CTNNA3: variants seen among roughly 807,000 people sequenced by gnomAD.
CTNNA3 encodes the protein catenin alpha 3, also known as catenin alpha-3.
Under a neutral mutation model 95.7 loss-of-function variants are expected in CTNNA3, and 76 were observed. The observed-to-expected ratio is 0.79, with a 90% CI of 0.66 to 0.96. The LOEUF (loss-of-function observed/expected upper bound fraction) is 0.96. Among genes scored for constraint, CTNNA3 ranks in the 40% least tolerant of loss-of-function variants. The probability of loss-of-function intolerance (pLI) is 0.00; values close to 1 mark genes in which losing one functional copy is unlikely to be tolerated. For synonymous variants in CTNNA3, 431 were observed against 374.4 expected (o/e 1.15, Z -1.74); for missense variants, 1,191 against 1,089.8 (o/e 1.09, Z -1.31).
chr10:66,692,865 C>T (rs951397976), intron 9 of CTNNA3, among the ~76,000 whole-genome samples: 2 of 152,014 alleles, frequency 1.3e-5, no homozygotes, highest in Non-Finnish European at 1.5e-5. Context: ...CCAAACTAAG[C>T]TTCATAAGTG....
intron 13 of CTNNA3, among the ~76,000 whole-genome samples, chr10:66,145,953 A>C (rs1023884802): frequency 3.9e-5 from 6 of 152,052 alleles, no homozygotes; most frequent in Non-Finnish European, 8.8e-5. Context: ...TCCCCGGTTC[A>C]AGCGATTCTC....
intron 7 of CTNNA3, among the ~76,000 whole-genome samples, chr10:67,095,510 T>G (rs768773512): frequency 6.6e-6 from 1 of 151,770 alleles, no homozygotes; most frequent in Non-Finnish European, 1.5e-5. Context: ...GGACTTGCAC[T>G]CTGCATACCA....
chr10:66,836,505 A>G (rs1425695577), intron 7 of CTNNA3, among the ~76,000 whole-genome samples: 1 of 152,152 alleles, frequency 6.6e-6, no homozygotes, highest in Admixed American at 6.6e-5. Context: ...TTTCGGCAGC[A>G]GACTGTCCAC....
intron 7 of CTNNA3, among the ~76,000 whole-genome samples, chr10:67,004,636 G>A (rs891829136): frequency 6.6e-6 from 1 of 152,106 alleles, no homozygotes; most frequent in Non-Finnish European, 1.5e-5. Context: ...AATAAGTCAA[G>A]ATAACTGATG....
intron 15 of CTNNA3, among the ~76,000 whole-genome samples, chr10:66,028,806 G>A (rs10822695): frequency 0.81 from 123,766 of 152,042 alleles, 50,519 homozygotes; most frequent in South Asian, 0.9. Context: ...AGGAATAGAA[G>A]TTAAACTAAA....
intron 12 of CTNNA3, among the ~76,000 whole-genome samples, chr10:66,341,841 C>T (rs75373784): frequency 0.047 from 7,083 of 151,602 alleles, 262 homozygotes; most frequent in Non-Finnish European, 0.062. Context: ...TTATTCTTTG[C>T]GTATTAACCT....
chr10:67,371,109 G>A (rs190352759), intron 5 of CTNNA3, among the ~76,000 whole-genome samples: 6 of 151,454 alleles, frequency 4.0e-5, no homozygotes, highest in African/African-American at 7.2e-5. Flanking sequence ...CTCTTGATCC[G>A]CCCGCCTCGG....
At chr10:66,205,087 A>G (rs938384336) in intron 13 of CTNNA3, among the ~76,000 whole-genome samples, 14 of 152,110 alleles carry the variant, frequency 9.2e-5, no homozygotes, top group African/African-American at 3.4e-4. Flanking sequence ...CAATGTTCAA[A>G]AAAATGTTGT....
intron 7 of CTNNA3, among the ~76,000 whole-genome samples, chr10:67,070,109 T>C (rs948155761): frequency 6.6e-6 from 1 of 152,214 alleles, no homozygotes; most frequent in Non-Finnish European, 1.5e-5. Context: ...TGTAGTATTA[T>C]CACATTTTGA....
chr10:66,889,476 T>C (rs1325439527), intron 7 of CTNNA3, among the ~76,000 whole-genome samples: 1 of 152,130 alleles, frequency 6.6e-6, no homozygotes, highest in Non-Finnish European at 1.5e-5. Context: ...GAGTGCAGTG[T>C]GTATGTGGTA....
chr10:66,380,600 CCTAT>C (rs3073254), intron 11 of CTNNA3, among the ~76,000 whole-genome samples: 466 of 146,004 alleles, frequency 3.2e-3, no homozygotes, highest in Non-Finnish European at 4.6e-3. Context: ...AGAGTGAGGC[CCTAT>C]CTATCTATCT....
intron 9 of CTNNA3, among the ~76,000 whole-genome samples, chr10:66,716,541 T>C (rs1425428503): frequency 6.6e-6 from 1 of 152,156 alleles, no homozygotes; most frequent in African/African-American, 2.4e-5. Context: ...CCGAGTAATA[T>C]TAACCACGAG....
intron 2 of CTNNA3, among the ~76,000 whole-genome samples, chr10:67,643,047 A>G (rs975376856): frequency 6.6e-6 from 1 of 152,206 alleles, no homozygotes; most frequent in African/African-American, 2.4e-5. Context: ...CACTATTCAC[A>G]ATAGCAAAGA....
chr10:66,728,185 T>A (rs1848838208), intron 9 of CTNNA3, among the ~76,000 whole-genome samples: 1 of 152,200 alleles, frequency 6.6e-6, no homozygotes, highest in African/African-American at 2.4e-5. Context: ...AAACACTACA[T>A]TTCCCAGTCT....
chr10:66,560,271 T>C (rs1195161854), intron 10 of CTNNA3, among the ~76,000 whole-genome samples: 1 of 150,842 alleles, frequency 6.6e-6, no homozygotes, highest in Non-Finnish European at 1.5e-5. Context: ...GATAGAAACG[T>C]GAGCGAATTT....
intron 9 of CTNNA3, among the ~76,000 whole-genome samples, chr10:66,672,123 G>C (rs2894017): frequency 0.55 from 84,050 of 151,810 alleles, 24,001 homozygotes; most frequent in African/African-American, 0.68. Context: ...GGGCTGAAGA[G>C]TCCCTACAGA....
chr10:67,006,099 T>C (rs77147840), intron 7 of CTNNA3, among the ~76,000 whole-genome samples: 2,773 of 152,248 alleles, frequency 0.018, 87 homozygotes, highest in African/African-American at 0.062. Flanking sequence ...CCAGGTACTT[T>C]ACAAACAACT....
intron 15 of CTNNA3, among the ~76,000 whole-genome samples, chr10:66,050,448 A>G (rs1007431264): frequency 6.6e-6 from 1 of 151,070 alleles, no homozygotes; most frequent in Non-Finnish European, 1.5e-5. Context: ...CTTTAGCAAG[A>G]GAGGGAGTCT....
intron 1 of CTNNA3, among the ~76,000 whole-genome samples, chr10:67,735,343 A>T (rs766121081): frequency 2.3e-4 from 35 of 152,278 alleles, no homozygotes; most frequent in Middle Eastern, 3.4e-3. Flanking sequence ...TAAGAGATAA[A>T]AGAATCAGGA....
Sources: allele counts gnomAD v4.1 joint callset (sites outside exome capture counted in the v4.1 genomes callset), GRCh38; gene constraint gnomAD v4.1.1; transcripts MANE v1.5; gene names NCBI Gene and HGNC (gene_info 2026-07-23, HGNC 2026-07-21).